PCDHGA4: variants seen among roughly 807,000 people sequenced by gnomAD.
PCDHGA4 encodes protocadherin gamma subfamily A, 4.
PCDHGA4 carries 38 observed loss-of-function variants against 54.6 expected under a neutral mutation model. The observed-to-expected ratio is 0.70, with a 90% CI of 0.54 to 0.91. The LOEUF (loss-of-function observed/expected upper bound fraction) is 0.91. Ranked by LOEUF, PCDHGA4 falls within the 40% of genes least tolerant of loss-of-function variation. PCDHGA4 has a pLI of 0.00. For synonymous variants in PCDHGA4, 511 were observed against 512.9 expected (o/e 1.00, Z 0.05); for missense variants, 1,298 against 1,220.9 (o/e 1.06, Z -0.94).
chr5:141,373,347 G>A (rs1769499263), intron 1 of PCDHGA4, among the ~76,000 whole-genome samples: 1 of 152,178 alleles, frequency 6.6e-6, no homozygotes. Context: ...GGCAACTCTT[G>A]TAATGGGCAC....
intron 1 of PCDHGA4, among the ~76,000 whole-genome samples, chr5:141,465,263 T>C (rs538393085): frequency 1.3e-5 from 2 of 152,326 alleles, no homozygotes; most frequent in African/African-American, 4.8e-5. Flanking sequence ...GCAATGATAC[T>C]AGCCATTTAG....
At chr5:141,378,342 G>T (rs1774822998) in intron 1 of PCDHGA4, 1 of 152,204 alleles carries the variant, frequency 6.6e-6, no homozygotes, top group African/African-American at 2.4e-5. Context: ...GACCAACATG[G>T]TGAAACCCCG....
chr5:141,405,106 C>T, intron 1 of PCDHGA4: 1 of 1,613,964 alleles, frequency 6.2e-7, no homozygotes, highest in South Asian at 1.1e-5. Context: ...GGCTGAGGCA[C>T]TGGCACTCCT....
chr5:141,394,083 G>T, intron 1 of PCDHGA4: 1 of 1,613,826 alleles, frequency 6.2e-7, no homozygotes, highest in Non-Finnish European at 8.5e-7. Flanking sequence ...CACAGTGATG[G>T]CCTCAGATCT....
rs756466649 is a variant in PCDHGA4, at chr5:141,495,663, G to A, written c.2573+798G>A. 1.1e-3 allele frequency among the ~76,000 whole-genome samples: 169 copies of A among 152,164 alleles called. 3 individuals are homozygous for A. The highest frequency in any genetic ancestry group is 1.9e-3 in the Admixed American group (29 of 15,272). ...TTGTCTACTTGCATTGATCTGTGCCGCCCACTGTGCCTGCCATGGCATAAG... is the reference window on the plus strand; with the variant it reads ...TTGTCTACTTGCATTGATCTGTGCCACCCACTGTGCCTGCCATGGCATAAG... On this transcript the variant is annotated intron_variant, in intron 2 of 3. Coordinates refer to ENST00000571252, the MANE Select transcript of PCDHGA4 (RefSeq NM_018917.4).
At chr5:141,507,809 C>G (rs866898784) in intron 3 of PCDHGA4, among the ~76,000 whole-genome samples, 1 of 152,206 alleles carries the variant, frequency 6.6e-6, no homozygotes, top group Non-Finnish European at 1.5e-5. Context: ...CCCTGGGGAA[C>G]GGACCCTGGG....
intron 1 of PCDHGA4, chr5:141,365,949 C>A: frequency 6.2e-7 from 1 of 1,614,242 alleles, no homozygotes; most frequent in Non-Finnish European, 8.5e-7. Context: ...AGTGGGAACC[C>A]TCCACTTAGC....
intron 1 of PCDHGA4, among the ~76,000 whole-genome samples, chr5:141,401,848 T>C (rs1476670200): frequency 6.6e-6 from 1 of 152,230 alleles, no homozygotes; most frequent in Non-Finnish European, 1.5e-5. Flanking sequence ...TACCACTTAC[T>C]TTTAACCTTT....
At position 141,371,452 on chromosome 5, in the gene PCDHGA4, C is replaced by A. The variant is rs1430739263; in HGVS notation, c.2514+13831C>A. The stretch of plus-strand genomic sequence containing the variant: ...CCGGAGATAACCCTGGCTTCTGAAT[C>A]CCAACATATACAAGAAGATGCTGAG... On this transcript the variant is annotated intron_variant, in intron 1 of 3. Coordinates refer to ENST00000571252, the MANE Select transcript of PCDHGA4 (RefSeq NM_018917.4). 3.7e-6 allele frequency: 6 copies of A among 1,613,858 alleles called. No homozygotes were observed. In the Admixed American group the frequency reaches 8.3e-5, roughly 22 times the overall value.
rs777537045 is a variant in PCDHGA4 at position 141,490,191 on chromosome 5, A to T, written c.2515-4616A>T. The T allele has an allele frequency of 6.2e-7, 1 of 1,614,176 alleles. No homozygotes were observed. The highest frequency in any genetic ancestry group is 1.1e-5 in the South Asian group (1 of 91,082). On this transcript the variant is annotated intron_variant, in intron 1 of 3. Coordinates refer to ENST00000571252, the MANE Select transcript of PCDHGA4 (RefSeq NM_018917.4). The surrounding 1 kb of genome is among the most constrained non-coding windows in gnomAD (Gnocchi z 5.4). ...ACTTTGAGGAGTCACGTTTCTATGA[A>T]ATTCATGCAAGAGCCCGTGACCAGG...
rs1467738404 is a variant in PCDHGA4 at position 141,430,698 on chromosome 5, G to A, written c.2515-64109G>A. On this transcript the variant is annotated intron_variant, in intron 1 of 3. Coordinates refer to ENST00000571252, the MANE Select transcript of PCDHGA4 (RefSeq NM_018917.4). The stretch of plus-strand genomic sequence containing the variant: ...CAACTGTCCCATTCTATGGGCGAAG[G>A]AACTGCTCCTGACTTCAGTGGTTAA... 4.1e-6 allele frequency: 6 copies of A among 1,451,686 alleles called. No homozygotes were observed. The South Asian group carries it at 7.8e-5, about 19-fold the overall frequency. The allele number at this position is 1,451,686 out of a possible 1,614,324, so 89.9% of individuals were successfully genotyped here.
At chr5:141,381,798 CTCTT>C (rs372235829) in intron 1 of PCDHGA4, among the ~76,000 whole-genome samples, 40 of 144,168 alleles carry the variant, frequency 2.8e-4, no homozygotes, top group Non-Finnish European at 4.5e-4. Context: ...AGGCAATTCC[CTCTT>C]TCTTTCTTTC....
chr5:141,476,642 C>T lies in PCDHGA4; in HGVS notation c.2515-18165C>T. On this transcript the variant is annotated intron_variant, in intron 1 of 3. Transcript: ENST00000571252. This position sits in a 1 kb window ranked among gnomAD's most constrained non-coding sequence, Gnocchi z 7.6. The stretch of plus-strand genomic sequence containing the variant: ...CTCTTTACAAACCTATGAGCTGAGC[C>T]GAAATGAATACTTTGCGCTTCGCGT... The T allele has an allele frequency of 1.9e-6, 3 of 1,614,240 alleles. No individual in the cohort carries two copies. The highest frequency in any genetic ancestry group is 2.5e-6 in the Non-Finnish European group (3 of 1,180,050).
chr5:141,497,084 G>A (rs1417389801), intron 2 of PCDHGA4, among the ~76,000 whole-genome samples: 1 of 152,098 alleles, frequency 6.6e-6, no homozygotes, highest in East Asian at 1.9e-4. Context: ...AGCGACTTAG[G>A]AGGCTGAGGC....
In PCDHGA4 at chr5:141,388,635, C is replaced by A. The variant is rs1441074974; in HGVS notation, c.2514+31014C>A. The A allele has an allele frequency of 4.3e-6, 7 of 1,613,896 alleles. No homozygotes were observed. The highest frequency in any genetic ancestry group is 5.9e-6 in the Non-Finnish European group (7 of 1,179,864). On this transcript the variant is annotated intron_variant, in intron 1 of 3. Transcript: ENST00000571252. ...CAGTCAAGACGTATACAGGGTGAGC[C>A]TTTCAGAAAACGTGTACCCGGGGAC...
At chr5:141,502,499 C>A (rs552402476) in intron 2 of PCDHGA4, among the ~76,000 whole-genome samples, 12 of 152,122 alleles carry the variant, frequency 7.9e-5, no homozygotes, top group Non-Finnish European at 2.9e-5. Flanking sequence ...CATCTAACGT[C>A]GGCCTGTCCC....
At chr5:141,420,211 T>C (rs759486952) in intron 1 of PCDHGA4, 11 of 1,612,388 alleles carry the variant, frequency 6.8e-6, no homozygotes, top group African/African-American at 1.3e-5. Context: ...TCAACAAAGA[T>C]AGCATGCTAC....
Position 141,477,403 on chromosome 5 carries a change from C to T in PCDHGA4, c.2515-17404C>T, listed in dbSNP as rs1329599078. 2 of 1,614,164 alleles carry T rather than the reference C, an allele frequency of 1.2e-6. No individual in the cohort carries two copies. Among genetic ancestry groups the T allele is most frequent in the Non-Finnish European group, 1.7e-6 (2 of 1,180,042 alleles). ...CAGAATACAACCTCAGCATCACCGC[C>T]CGAGACGCCGGAACCCCTTCCCTCT... is the stretch of plus-strand genomic sequence containing the variant. On this transcript the variant is annotated intron_variant, in intron 1 of 3. Transcript: ENST00000571252. The surrounding 1 kb of genome is among the most constrained non-coding windows in gnomAD (Gnocchi z 4.9).
In PCDHGA4 at chr5:141,478,182, A is replaced by T. The variant is rs777228133; in HGVS notation, c.2515-16625A>T. The T allele has an allele frequency of 5.0e-6, 8 of 1,613,866 alleles. No individual in the cohort carries two copies. In the South Asian group the frequency reaches 8.8e-5, roughly 18 times the overall value. ...TCTGCCCCCCGGGAGCAGAAAAAAA[A>T]TCTCACCTTTTATCTACTTCTTTCT... is the stretch of plus-strand genomic sequence containing the variant. On this transcript the variant is annotated intron_variant, in intron 1 of 3. Transcript: ENST00000571252.
Sources: gnomAD v4.1 joint callset for allele counts (sites outside exome capture counted in the v4.1 genomes callset) on GRCh38, gnomAD v4.1.1 for gene constraint, Gnocchi (gnomAD v3.1) non-coding constraint, MANE v1.5 for transcripts, NCBI Gene and HGNC (gene_info 2026-07-23, HGNC 2026-07-21) for gene names.